The following LSM14B variants were observed in gnomAD, a reference collection of about 807,000 sequenced individuals.
LSM14B encodes LSM family member 14B.
In LSM14B, 8 loss-of-function variants were observed where a neutral mutation model predicts 42.1. That is an observed-to-expected ratio of 0.19 (90% CI 0.11 to 0.34). The LOEUF (loss-of-function observed/expected upper bound fraction) is 0.34, where lower values mean the gene tolerates loss of function less well. Among genes scored for constraint, LSM14B ranks in the 10% least tolerant of loss-of-function variants. The pLI is 1.00. For synonymous variants in LSM14B, 219 were observed against 209.7 expected (o/e 1.04, Z -0.38); for missense variants, 396 against 513.1 (o/e 0.77, Z 2.21).
intron 7 of LSM14B, 119 bp downstream of exon 7, chr20:62,131,625 C>G: frequency 7.6e-7 from 1 of 1,309,608 alleles, no homozygotes; most frequent in Non-Finnish European, 1.1e-6. Context: ...TTCTAGGGTC[C>G]TGCTTGCGTT....
rs1407233476 is a variant in LSM14B, at chr20:62,131,917, ATTGT to A, written c.986+415_986+418del. 2.0e-5 allele frequency among the ~76,000 whole-genome samples: 3 copies of A among 152,244 alleles called. No homozygotes were observed. The East Asian group carries it at 5.8e-4, about 29-fold the overall frequency. ...GCTCACACTGGCTTTCCTTCACTTC[ATTGT>A]TTGAGGCCAGGGACCATGTGGTGTG... is the stretch of plus-strand genomic sequence containing the variant. On this transcript the variant is annotated intron_variant, in intron 7 of 8. Coordinates refer to ENST00000279068, the MANE Select transcript of LSM14B (RefSeq NM_144703.3).
chr20:62,124,803 G>C (rs2056535896), intron 2 of LSM14B, 23 bp downstream of exon 2: 3 of 1,603,148 alleles, frequency 1.9e-6, no homozygotes, highest in African/African-American at 1.3e-5. Context: ...CTGTCCCTCT[G>C]TGCATGCTGT....
chr20:62,133,762 C>T (rs1186280292), intron 8 of LSM14B, among the ~76,000 whole-genome samples: 1 of 152,198 alleles, frequency 6.6e-6, no homozygotes, highest in African/African-American at 2.4e-5. Context: ...GGCTCACCAC[C>T]CAGGTGAAGC....
intron 2 of LSM14B, among the ~76,000 whole-genome samples, 184 bp downstream of exon 2, chr20:62,124,964 T>C (rs2056545051): frequency 6.6e-6 from 1 of 152,106 alleles, no homozygotes; most frequent in African/African-American, 2.4e-5. Flanking sequence ...CATTGCAACT[T>C]TGGCTTCCCA....
Position 62,130,070 on chromosome 20 carries a change from T to C in LSM14B, c.595+118T>C. On this transcript the variant is annotated intron_variant, in intron 4 of 8. Transcript: ENST00000279068. The surrounding 1 kb of genome is among the most constrained non-coding windows in gnomAD (Gnocchi z 4.1). ...TACTACTCCCCCATCCTAAGCCCCA[T>C]GTGCTTTTGCAGGGCAGGCCTGTGC... The C allele has an allele frequency of 7.0e-7, 1 of 1,418,566 alleles. No individual in the cohort carries two copies. The highest frequency in any genetic ancestry group is 9.4e-7 in the Non-Finnish European group (1 of 1,059,538). The allele number at this position is 1,418,566 out of a possible 1,614,324, so 87.9% of individuals were successfully genotyped here.
chr20:62,130,020 A>ATTT lies in LSM14B; in HGVS notation c.595+79_595+81dup. The ATTT allele has an allele frequency of 1.6e-6, 2 of 1,227,856 alleles. No individual in the cohort carries two copies. The highest frequency in any genetic ancestry group is 1.1e-6 in the Non-Finnish European group (1 of 915,636). The allele number at this position is 1,227,856 out of a possible 1,614,324, so 76.1% of individuals were successfully genotyped here. A position where few individuals can be genotyped will look rare whatever the true frequency, so the allele number is the denominator to read the frequency against. On this transcript the variant is annotated intron_variant, in intron 4 of 8. Coordinates refer to ENST00000279068, the MANE Select transcript of LSM14B (RefSeq NM_144703.3). This position sits in a 1 kb window ranked among gnomAD's most constrained non-coding sequence, Gnocchi z 4.1. The stretch of plus-strand genomic sequence containing the variant: ...AAAGTGGCACACTACTTCCTGGGCT[A>ATTT]TTTTTTTTTTTTTAATTAAAAAAAT...
intron 3 of LSM14B, chr20:62,127,981 TC>T: frequency 1.6e-6 from 1 of 620,304 alleles, no homozygotes. Context: ...ACTTCACTGT[TC>T]ACAGAAAGTC....
At chr20:62,131,312 C>CAG in intron 6 of LSM14B, 44 bp from the exon 7 acceptor site, 2 of 1,553,582 alleles carry the variant, frequency 1.3e-6, no homozygotes, top group Non-Finnish European at 1.7e-6. Flanking sequence ...AGGCTGTGCG[C>CAG]TCTGCCCCTC....
rs531794143 is a variant in LSM14B at position 62,127,522 on chromosome 20, A to G, written c.427+1083A>G. ...TCTTTCCAAGCTTGCTAGACACAAG[A>G]CAAGTGTATCCTGACTTATTTGTGT... On this transcript the variant is annotated intron_variant, in intron 3 of 8. Coordinates refer to ENST00000279068, the MANE Select transcript of LSM14B (RefSeq NM_144703.3). 32 of 1,161,836 alleles carry G rather than the reference A, an allele frequency of 2.8e-5. No homozygotes were observed. In the East Asian group the frequency reaches 4.1e-4, roughly 15 times the overall value. The allele number at this position is 1,161,836 out of a possible 1,614,324, so 72.0% of individuals were successfully genotyped here.
rs757908261 is a variant in LSM14B at position 62,122,726 on chromosome 20, G to C, written c.60G>C (p.Ala20=). 6.6e-7 allele frequency: 1 copy of C among 1,524,234 alleles called. No individual in the cohort carries two copies. The highest frequency in any genetic ancestry group is 8.8e-7 in the Non-Finnish European group (1 of 1,131,526). The allele number at this position is 1,524,234 out of a possible 1,614,324, so 94.4% of individuals were successfully genotyped here. A position where few individuals can be genotyped will look rare whatever the true frequency, so the allele number is the denominator to read the frequency against. Residue 20 remains alanine (A), a synonymous_variant, in exon 1 of 9, where the codon GCG becomes GCC. Transcript: ENST00000279068. This position sits in a 1 kb window ranked among gnomAD's most constrained non-coding sequence, Gnocchi z 4.6. ...GCAAGATCAGCCTCATCTCCAAGGC[G>C]CAGATCCGCTACGAGGGCATTCTCT... The part of the protein sequence containing the change: ...LGSKISLISK[A]QIRYEGILYT...
intron 2 of LSM14B, among the ~76,000 whole-genome samples, chr20:62,125,121 C>T (rs954362505): frequency 1.6e-4 from 24 of 152,166 alleles, no homozygotes; most frequent in African/African-American, 5.5e-4. Context: ...CCTTGTGATG[C>T]ACCCGCCTTG....
chr20:62,134,438 G>T lies in LSM14B; in HGVS notation c.*290G>T. On this transcript the variant is annotated 3_prime_UTR_variant, in exon 9 of 9. Transcript: ENST00000279068. Reference sequence around the variant, plus strand: ...CTAAGGTTTTGGTATTTTGCAAAAAGGTTTCTATAGTGAAAGCTGAATCCT... The same window carrying T: ...CTAAGGTTTTGGTATTTTGCAAAAATGTTTCTATAGTGAAAGCTGAATCCT... 1.6e-5 allele frequency: 5 copies of T among 308,648 alleles called. No individual in the cohort carries two copies. Among genetic ancestry groups the T allele is most frequent in the South Asian group, 2.6e-5 (1 of 37,912 alleles). 19.1% of individuals were successfully genotyped at this position (308,648 alleles called of 1,614,324 possible). A position where few individuals can be genotyped will look rare whatever the true frequency, so the allele number is the denominator to read the frequency against.
chr20:62,133,571 A>C, intron 8 of LSM14B, 96 bp downstream of exon 8: 4 of 1,403,736 alleles, frequency 2.8e-6, no homozygotes, highest in Non-Finnish European at 3.8e-6. Context: ...TCGGTTTCCC[A>C]GGAAGAAGAG....
At chr20:62,132,367 G>A (rs1033615501) in intron 7 of LSM14B, among the ~76,000 whole-genome samples, 1 of 152,220 alleles carries the variant, frequency 6.6e-6, no homozygotes, top group African/African-American at 2.4e-5. Context: ...GCCGCGGGAA[G>A]CCATCAGAGG....
At chr20:62,127,906 GT>G in intron 3 of LSM14B, 1 of 690,632 alleles carries the variant, frequency 1.4e-6, no homozygotes, top group Non-Finnish European at 2.7e-6. Context: ...CAGCGGAGTA[GT>G]TTGTTCTCTC....
At chr20:62,133,656 A>G (rs188323236) in intron 8 of LSM14B, among the ~76,000 whole-genome samples, 181 bp downstream of exon 8, 22 of 152,344 alleles carry the variant, frequency 1.4e-4, no homozygotes, top group African/African-American at 1.9e-4. Context: ...GCCAACTTCA[A>G]CCTGCATCTG....
At position 62,134,512 on chromosome 20, in the gene LSM14B, A is replaced by T; in HGVS notation, c.*364A>T. On this transcript the variant is annotated 3_prime_UTR_variant, in exon 9 of 9. Transcript: ENST00000279068. ...TTTTAATGACAAGCTTTGACTTTTA[A>T]AAGTGGAACCAAATCTGTTGGCAGA... 3.1e-6 allele frequency: 1 copy of T among 325,200 alleles called. No individual in the cohort carries two copies. The highest frequency in any genetic ancestry group is 2.4e-5 in the South Asian group (1 of 41,920). 20.1% of individuals were successfully genotyped at this position (325,200 alleles called of 1,614,324 possible). A position where few individuals can be genotyped will look rare whatever the true frequency, so the allele number is the denominator to read the frequency against.
intron 2 of LSM14B, among the ~76,000 whole-genome samples, chr20:62,125,449 T>C (rs931810391): frequency 1.3e-5 from 2 of 152,256 alleles, no homozygotes; most frequent in Non-Finnish European, 2.9e-5. Flanking sequence ...GCAGCTGCTG[T>C]GAGTGGCGTG....
In LSM14B at chr20:62,131,744, G is replaced by T. The variant is rs577965052; in HGVS notation, c.986+238G>T. Reference sequence around the variant, plus strand: ...GAGCCTGTTTCCTCTTGGCTTTGCTGCCCTGTCCCCACAAAGGCTGGGCTG... The same window carrying T: ...GAGCCTGTTTCCTCTTGGCTTTGCTTCCCTGTCCCCACAAAGGCTGGGCTG... On this transcript the variant is annotated intron_variant, in intron 7 of 8. Coordinates refer to ENST00000279068, the MANE Select transcript of LSM14B (RefSeq NM_144703.3). Among the ~76,000 whole-genome samples, 4 of 152,296 alleles carry T rather than the reference G, an allele frequency of 2.6e-5. No individual in the cohort carries two copies. The South Asian group carries it at 8.3e-4, about 32-fold the overall frequency.
Sources: allele counts gnomAD v4.1 joint callset (sites outside exome capture counted in the v4.1 genomes callset), GRCh38; gene constraint gnomAD v4.1.1; non-coding constraint Gnocchi (gnomAD v3.1); transcripts MANE v1.5; gene names NCBI Gene and HGNC (gene_info 2026-07-23, HGNC 2026-07-21).